Variants in PLEKHG3 observed in about 807,000 individuals in gnomAD.
PLEKHG3 encodes the protein pleckstrin homology domain-containing family G member 3.
Under a neutral mutation model 94.9 loss-of-function variants are expected in PLEKHG3, and 62 were observed. The ratio of observed to expected loss-of-function variants is 0.65; its 90% CI spans 0.53 to 0.81. The LOEUF is 0.81. Among genes scored for constraint, PLEKHG3 ranks in the 30% least tolerant of loss-of-function variants. The pLI is 0.00. For synonymous variants in PLEKHG3, 614 were observed against 654.0 expected, an observed-to-expected ratio of 0.94 and a Z score of 0.93; for missense variants, 1,461 against 1,619.3, an observed-to-expected ratio of 0.90 and a Z score of 1.68.
At position 64,731,303 on chromosome 14, in the gene PLEKHG3, C is replaced by T. The variant is rs2081458165; in HGVS notation, c.850-58C>T. 6.6e-7 allele frequency: 1 copy of T among 1,513,246 alleles called. No individual in the cohort carries two copies. 93.7% of individuals were successfully genotyped at this position (1,513,246 alleles called of 1,614,324 possible). On this transcript the variant is annotated intron_variant, in intron 7 of 16. Coordinates refer to ENST00000247226, the MANE Select transcript of PLEKHG3 (RefSeq NM_001308147.2). The surrounding 1 kb of genome is among the most constrained non-coding windows in gnomAD (Gnocchi z 6.1). ...GGGGGAGCCTTTGTGGCAGGGTTTG[C>T]AGAGCCTCCTAAGGCCCCAGTGGCC...
chr14:64,705,580 C>A (rs910827571), intron 1 of PLEKHG3, among the ~76,000 whole-genome samples: 1 of 152,210 alleles, frequency 6.6e-6, no homozygotes, highest in Non-Finnish European at 1.5e-5. Context: ...ACTGCGTTCA[C>A]CTTACGGGGA....
chr14:64,749,138 G>C lies in PLEKHG3; in HGVS notation c.*5435G>C. The C allele has an allele frequency of 5.4e-6, 4 of 735,722 alleles. No individual in the cohort carries two copies. Among genetic ancestry groups the C allele is most frequent in the East Asian group, 6.3e-5 (2 of 31,978 alleles). The allele number at this position is 735,722 out of a possible 1,614,324, so 45.6% of individuals were successfully genotyped here. A position where few individuals can be genotyped will look rare whatever the true frequency, so the allele number is the denominator to read the frequency against. On this transcript the variant is annotated 3_prime_UTR_variant, in exon 17 of 17. Transcript: ENST00000247226. This position sits in a 1 kb window ranked among gnomAD's most constrained non-coding sequence, Gnocchi z 4.7. ...AGGGCATGGAGGGGGCGTCGGCCCA[G>C]GACACGCGGGCGAAGGCAGCTTTTG...
intron 1 of PLEKHG3, among the ~76,000 whole-genome samples, chr14:64,713,621 A>G (rs538169014): frequency 6.6e-6 from 1 of 152,322 alleles, no homozygotes; most frequent in East Asian, 1.9e-4. Flanking sequence ...TGTTCTGCAT[A>G]TATACTATAT....
At chr14:64,709,468 C>T (rs2081032297) in intron 1 of PLEKHG3, among the ~76,000 whole-genome samples, 1 of 152,142 alleles carries the variant, frequency 6.6e-6, no homozygotes, top group South Asian at 2.1e-4. Flanking sequence ...TCATGCTGAG[C>T]AGACTTGGGC....
At position 64,738,643 on chromosome 14, in the gene PLEKHG3, C is replaced by A; in HGVS notation, c.1405-99C>A. On this transcript the variant is annotated intron_variant, in intron 14 of 16. Transcript: ENST00000247226. The surrounding 1 kb of genome is among the most constrained non-coding windows in gnomAD (Gnocchi z 4.8). Reference sequence around the variant, plus strand: ...GTCCAAGACTGGCTCTCAGCTCAGCCCAGCCCCTTGGGGCGTGGGAGGCAC... The same window carrying A: ...GTCCAAGACTGGCTCTCAGCTCAGCACAGCCCCTTGGGGCGTGGGAGGCAC... 1 of 880,038 alleles carries A rather than the reference C, an allele frequency of 1.1e-6. No individual in the cohort carries two copies. The highest frequency in any genetic ancestry group is 1.8e-6 in the Non-Finnish European group (1 of 542,908). The allele number at this position is 880,038 out of a possible 1,614,324, so 54.5% of individuals were successfully genotyped here.
In PLEKHG3 at chr14:64,723,331, A is replaced by G. The variant is rs1278530511; in HGVS notation, c.-39-4262A>G. On this transcript the variant is annotated intron_variant, in intron 1 of 16. Coordinates refer to ENST00000247226, the MANE Select transcript of PLEKHG3 (RefSeq NM_001308147.2). This position sits in a 1 kb window ranked among gnomAD's most constrained non-coding sequence, Gnocchi z 4.5. The stretch of plus-strand genomic sequence containing the variant: ...TCACACCTGTTAATCCCAGCACTTT[A>G]GGAGGCTGAGGCAGGAGGATCGCTT... 6.6e-6 allele frequency among the ~76,000 whole-genome samples: 1 copy of G among 152,084 alleles called. No individual in the cohort carries two copies. The highest frequency in any genetic ancestry group is 1.9e-4 in the East Asian group (1 of 5,164).
rs1181042292 is a variant in PLEKHG3 at position 64,741,739 on chromosome 14, G to C, written c.2222G>C (p.Ser741Thr). The C allele has an allele frequency of 6.2e-7, 1 of 1,613,154 alleles. No homozygotes were observed. The highest frequency in any genetic ancestry group is 8.5e-7 in the Non-Finnish European group (1 of 1,180,032). Reference protein sequence around the residue: ...DAGFSVRRRESLSYIPKGLVR... With the variant: ...DAGFSVRRRETLSYIPKGLVR... ...GGCTTCAGCGTCCGTCGCCGGGAGA[G>C]CCTCTCCTACATCCCCAAAGGACTG... Residue 741 changes from serine to threonine, a missense_variant, in exon 16 of 17, where the codon AGC (serine) becomes ACC (threonine). Physicochemically the swap from Ser to Thr is moderately conservative, Grantham distance 58 (BLOSUM62 1). Transcript: ENST00000247226.
At chr14:64,736,828 A>G (rs769470936) in intron 12 of PLEKHG3, 25 bp from the exon 13 acceptor site, 1 of 1,600,004 alleles carries the variant, frequency 6.2e-7, no homozygotes, top group South Asian at 1.1e-5. Flanking sequence ...GCCCGCGCTG[A>G]CTCTGCTCAT....
rs116870336 is a variant in PLEKHG3 at position 64,725,185 on chromosome 14, G to C, written c.-39-2408G>C. ...CCTTTTAGAGACAAATCTCCCTAAT[G>C]GTGTGTGTGTTGGGGTAGGGGTGGG... On this transcript the variant is annotated intron_variant, in intron 1 of 16. Transcript: ENST00000247226. This position sits in a 1 kb window ranked among gnomAD's most constrained non-coding sequence, Gnocchi z 5.0. Among the ~76,000 whole-genome samples, 3,270 of 152,300 alleles carry C rather than the reference G, an allele frequency of 0.021. 43 individuals are homozygous for C. Among genetic ancestry groups the C allele is most frequent in the Middle Eastern group, 0.065 (19 of 294 alleles).
rs984825075 is a variant in PLEKHG3 at position 64,721,223 on chromosome 14, T to C, written c.-39-6370T>C. 4.6e-5 allele frequency among the ~76,000 whole-genome samples: 7 copies of C among 152,184 alleles called. No individual in the cohort carries two copies. Among genetic ancestry groups the C allele is most frequent in the Admixed American group, 3.9e-4 (6 of 15,284 alleles). On this transcript the variant is annotated intron_variant, in intron 1 of 16. Coordinates refer to ENST00000247226, the MANE Select transcript of PLEKHG3 (RefSeq NM_001308147.2). The surrounding 1 kb of genome is among the most constrained non-coding windows in gnomAD (Gnocchi z 4.3). ...GAAGGAGATGATTGCTAAATGTGTA[T>C]AGGCAGAGGGTCTGGGGACACATTC...
rs1350043644 is a variant in PLEKHG3 at position 64,720,544 on chromosome 14, A to G, written c.-39-7049A>G. Among the ~76,000 whole-genome samples the G allele has an allele frequency of 1.3e-5, 2 of 152,188 alleles. No homozygotes were observed. The highest frequency in any genetic ancestry group is 4.1e-4 in the South Asian group (2 of 4,830). Reference sequence around the variant, plus strand: ...GCCTTGCTCTCTGGGGCTGAAGGGAAGGTATGGGAAAGAAGGCCCAGCCCA... The same window carrying G: ...GCCTTGCTCTCTGGGGCTGAAGGGAGGGTATGGGAAAGAAGGCCCAGCCCA... On this transcript the variant is annotated intron_variant, in intron 1 of 16. Transcript: ENST00000247226. This position sits in a 1 kb window ranked among gnomAD's most constrained non-coding sequence, Gnocchi z 4.1.
At position 64,742,362 on chromosome 14, in the gene PLEKHG3, C is replaced by T. The variant is rs763088408; in HGVS notation, c.2845C>T (p.Leu949=). ...SNKPVMARPP[L]QWEKVAPERD... Reference sequence around the variant, plus strand: ...CAAGCCAGTGATGGCCAGGCCACCACTGCAGTGGGAAAAGGTGGCCCCTGA... The same window carrying T: ...CAAGCCAGTGATGGCCAGGCCACCATTGCAGTGGGAAAAGGTGGCCCCTGA... The change falls in exon 16 of 17, where the codon CTG becomes TTG. Residue 949 remains leucine, a synonymous_variant. Coordinates refer to ENST00000247226, the MANE Select transcript of PLEKHG3 (RefSeq NM_001308147.2). 9 of 1,613,076 alleles carry T rather than the reference C, an allele frequency of 5.6e-6. No homozygotes were observed. The Admixed American group carries it at 1.3e-4, about 24-fold the overall frequency.
intron 15 of PLEKHG3, among the ~76,000 whole-genome samples, chr14:64,740,423 G>T (rs2081663244): frequency 6.6e-6 from 1 of 152,258 alleles, no homozygotes; most frequent in Admixed American, 6.5e-5. Context: ...GGCATATGCA[G>T]TTGTGCTGGG....
rs1207522040 is a variant in PLEKHG3, at chr14:64,737,344, T to C, written c.1385-12T>C. 6.2e-7 allele frequency: 1 copy of C among 1,603,370 alleles called. No individual in the cohort carries two copies. Among genetic ancestry groups the C allele is most frequent in the African/African-American group, 1.3e-5 (1 of 74,526 alleles). On this transcript the variant is annotated splice_polypyrimidine_tract_variant and intron_variant, in intron 13 of 16. Coordinates refer to ENST00000247226, the MANE Select transcript of PLEKHG3 (RefSeq NM_001308147.2). The stretch of plus-strand genomic sequence containing the variant: ...GCCCGTGTGCTGGGGGACCCGGTGG[T>C]GATGTCTGCAGCCCGAGCAGCAGGA...
intron 12 of PLEKHG3, among the ~76,000 whole-genome samples, chr14:64,733,164 CTTTTT>C (rs112116298): frequency 2.2e-5 from 3 of 135,362 alleles, no homozygotes; most frequent in South Asian, 2.3e-4. Context: ...TTTTCTTTTT[CTTTTT>C]TTTTTTTTTT....
chr14:64,748,525 T>C lies in PLEKHG3; in HGVS notation c.*4822T>C, dbSNP rs992805934. On this transcript the variant is annotated 3_prime_UTR_variant, in exon 17 of 17. Coordinates refer to ENST00000247226, the MANE Select transcript of PLEKHG3 (RefSeq NM_001308147.2). ...GAGGAATGGTCTGACCTTGCTGCCC[T>C]TCCTGGGACCGCCTGTGGTGGCACA... is the stretch of plus-strand genomic sequence containing the variant. 1.3e-5 allele frequency: 2 copies of C among 152,356 alleles called. No homozygotes were observed. The highest frequency in any genetic ancestry group is 1.9e-4 in the East Asian group (1 of 5,188). The allele number at this position is 152,356 out of a possible 1,614,324, so 9.4% of individuals were successfully genotyped here. A position where few individuals can be genotyped will look rare whatever the true frequency, so the allele number is the denominator to read the frequency against.
Position 64,742,053 on chromosome 14 carries a change from C to G in PLEKHG3, c.2536C>G (p.Leu846Val). Residue 846 changes from leucine (L) to valine (V), a missense_variant, in exon 16 of 17, where the codon CTC (leucine) becomes GTC (valine). Around this residue, in one of 3 missense-constraint regions of PLEKHG3, gnomAD observed 1,201 missense variants for 1,295.5 expected, o/e 0.93. Coordinates refer to ENST00000247226, the MANE Select transcript of PLEKHG3 (RefSeq NM_001308147.2). ...QANGFDLHEPLFILEEHELGA... is the reference protein window; with the variant it reads ...QANGFDLHEPVFILEEHELGA... ...CAATGGCTTTGACCTGCATGAGCCA[C>G]TCTTCATCCTGGAGGAGCATGAGCT... 1 of 1,603,722 alleles carries G rather than the reference C, an allele frequency of 6.2e-7. No homozygotes were observed. The highest frequency in any genetic ancestry group is 8.5e-7 in the Non-Finnish European group (1 of 1,174,396).
Position 64,728,039 on chromosome 14 carries a change from G to T in PLEKHG3, c.351+57G>T. On this transcript the variant is annotated intron_variant, in intron 2 of 16. Coordinates refer to ENST00000247226, the MANE Select transcript of PLEKHG3 (RefSeq NM_001308147.2). This position sits in a 1 kb window ranked among gnomAD's most constrained non-coding sequence, Gnocchi z 5.9. ...CTAGCAGAAGCCTGTTTCACCCTGGGAGGGAAGCTCTCAAAAGACCTGCTT... is the reference window on the plus strand; with the variant it reads ...CTAGCAGAAGCCTGTTTCACCCTGGTAGGGAAGCTCTCAAAAGACCTGCTT... 2 of 1,140,850 alleles carry T rather than the reference G, an allele frequency of 1.8e-6. No individual in the cohort carries two copies. The highest frequency in any genetic ancestry group is 3.2e-5 in the South Asian group (2 of 62,566). The allele number at this position is 1,140,850 out of a possible 1,614,324, so 70.7% of individuals were successfully genotyped here.
At position 64,732,783 on chromosome 14, in the gene PLEKHG3, C is replaced by G. The variant is rs1310532881; in HGVS notation, c.1247-20C>G. The stretch of plus-strand genomic sequence containing the variant: ...GCCAATTGGGAATCAAAAGCTTGAT[C>G]GTCTCTCTCCTGGGTGCAGATCCCA... On this transcript the variant is annotated intron_variant, in intron 11 of 16. Coordinates refer to ENST00000247226, the MANE Select transcript of PLEKHG3 (RefSeq NM_001308147.2). The surrounding 1 kb of genome is among the most constrained non-coding windows in gnomAD (Gnocchi z 4.9). 2 of 1,573,646 alleles carry G rather than the reference C, an allele frequency of 1.3e-6. No homozygotes were observed. The highest frequency in any genetic ancestry group is 1.7e-6 in the Non-Finnish European group (2 of 1,155,560).
Sources: gnomAD v4.1 joint callset for allele counts (sites outside exome capture counted in the v4.1 genomes callset) on GRCh38, gnomAD v4.1.1 for gene constraint, gnomAD v4.1.1 regional missense constraint, Gnocchi (gnomAD v3.1) non-coding constraint, MANE v1.5 for transcripts, NCBI Gene and HGNC (gene_info 2026-07-23, HGNC 2026-07-21) for gene names.